The following TTLL7 variants were observed in gnomAD, a reference collection of about 807,000 sequenced individuals.
TTLL7 encodes the protein tubulin polyglutamylase TTLL7.
TTLL7 carries 53 observed loss-of-function variants against 120.2 expected under a neutral mutation model. That is an observed-to-expected ratio of 0.44 (90% CI 0.35 to 0.55). The LOEUF is 0.55. Among genes scored for constraint, TTLL7 ranks in the 20% least tolerant of loss-of-function variants. TTLL7 has a pLI of 0.00. For missense variants in TTLL7, 803 were observed against 1,054.7 expected (o/e 0.76, Z 3.31); for synonymous variants, 353 against 351.7 (o/e 1.00, Z -0.04).
intron 1 of TTLL7, among the ~76,000 whole-genome samples, chr1:83,982,499 C>T (rs940847008): frequency 1.3e-5 from 2 of 152,112 alleles, no homozygotes; most frequent in Non-Finnish European, 2.9e-5. Context: ...CTTTTCTATA[C>T]ACCAATATTG....
chr1:83,917,706 T>G lies in TTLL7; in HGVS notation c.1501-16A>C. The G allele has an allele frequency of 6.4e-7, 1 of 1,560,254 alleles. No individual in the cohort carries two copies. The highest frequency in any genetic ancestry group is 2.3e-5 in the East Asian group (1 of 44,352). Reference sequence around the variant, plus strand: ...TATCTTCTTCCTTCAAAAAATATTCTAATTAAAATTACAACCACTAATGGA... The same window carrying G: ...TATCTTCTTCCTTCAAAAAATATTCGAATTAAAATTACAACCACTAATGGA... On this transcript the variant is annotated splice_polypyrimidine_tract_variant and intron_variant, in intron 13 of 20. Transcript: ENST00000260505.
At chr1:83,979,829 G>A (rs1485835243) in intron 1 of TTLL7, 1 of 152,120 alleles carries the variant, frequency 6.6e-6, no homozygotes, top group Non-Finnish European at 1.5e-5. Context: ...GGCTTTTGAT[G>A]GTGCGAAAAA....
chr1:83,911,214 A>T lies in TTLL7; in HGVS notation c.1737T>A (p.Val579=), dbSNP rs1255838481. 1 of 1,613,286 alleles carries T rather than the reference A, an allele frequency of 6.2e-7. No homozygotes were observed. ...GGTTGGAGGGTTTAAGATTATATGTAACTTGCTTTTCTCTTTTCTTATTTT... is the reference window on the plus strand; with the variant it reads ...GGTTGGAGGGTTTAAGATTATATGTTACTTGCTTTTCTCTTTTCTTATTTT... ...EYQNKKREKQ[V]TYNLKPSNHY... is the part of the protein sequence containing the mutation. The change falls in exon 15 of 21, where the codon GTT becomes GTA. Residue 579 remains valine (V), a synonymous_variant. Transcript: ENST00000260505.
At chr1:83,892,230 A>ATATATATGAATATATATG (rs1472867289) in intron 18 of TTLL7, among the ~76,000 whole-genome samples, 2 of 141,458 alleles carry the variant, frequency 1.4e-5, no homozygotes, top group East Asian at 2.0e-4. Context: ...ATATATGTGT[A>ATATATATGAATATATATG]TATATATGAA....
intron 7 of TTLL7, among the ~76,000 whole-genome samples, chr1:83,941,336 T>C (rs1201192735): frequency 6.6e-6 from 1 of 152,230 alleles, no homozygotes; most frequent in Non-Finnish European, 1.5e-5. Flanking sequence ...GTCTGGTCAT[T>C]GTTTTTCCAA....
intron 18 of TTLL7, among the ~76,000 whole-genome samples, chr1:83,898,899 T>A (rs181580555): frequency 0.027 from 4,170 of 151,934 alleles, 89 homozygotes; most frequent in African/African-American, 0.056. Flanking sequence ...AAATTTTTTT[T>A]AAAAAATCCC....
chr1:83,961,575 T>C (rs1458728886), intron 1 of TTLL7, among the ~76,000 whole-genome samples: 2 of 151,918 alleles, frequency 1.3e-5, no homozygotes, highest in African/African-American at 2.4e-5. Flanking sequence ...CCGAGGATAA[T>C]GAAAAAGGAG....
intron 13 of TTLL7, among the ~76,000 whole-genome samples, chr1:83,919,352 A>G (rs1482238257): frequency 6.6e-6 from 1 of 151,682 alleles, no homozygotes. Context: ...GTATTATGTA[A>G]TGTTTGTTAT....
chr1:83,891,481 T>TGA (rs1299331385), intron 18 of TTLL7, among the ~76,000 whole-genome samples: 1 of 152,126 alleles, frequency 6.6e-6, no homozygotes, highest in Non-Finnish European at 1.5e-5. Context: ...TACAGATCGG[T>TGA]GCACAAACGG....
At chr1:83,932,539 TA>T (rs1659681778) in intron 9 of TTLL7, among the ~76,000 whole-genome samples, 1 of 151,098 alleles carries the variant, frequency 6.6e-6, no homozygotes, top group South Asian at 2.1e-4. Context: ...TGTTACTGTT[TA>T]AAGTAGATGT....
intron 14 of TTLL7, among the ~76,000 whole-genome samples, chr1:83,914,619 C>T (rs1288012932): frequency 6.6e-6 from 1 of 152,166 alleles, no homozygotes; most frequent in Middle Eastern, 3.4e-3. Flanking sequence ...CGTGAGCCAC[C>T]GTGCTCTGCC....
chr1:83,893,590 TGAAA>T (rs1306271719), intron 18 of TTLL7, among the ~76,000 whole-genome samples: 1 of 152,116 alleles, frequency 6.6e-6, no homozygotes, highest in East Asian at 1.9e-4. Flanking sequence ...TGGAAGCAGA[TGAAA>T]GAATGATTTC....
intron 1 of TTLL7, among the ~76,000 whole-genome samples, chr1:83,987,786 C>T (rs1051968117): frequency 1.3e-5 from 2 of 152,094 alleles, no homozygotes; most frequent in African/African-American, 4.8e-5. Context: ...GTTTGCAAAA[C>T]ATATTATCTG....
At chr1:83,974,200 G>A (rs1382494076) in intron 1 of TTLL7, among the ~76,000 whole-genome samples, 7 of 151,860 alleles carry the variant, frequency 4.6e-5, no homozygotes, top group East Asian at 1.9e-4. Flanking sequence ...TCATGGGCAC[G>A]GGAAAAATGT....
rs374756636 is a variant in TTLL7 at position 83,871,671 on chromosome 1, G to A, written c.2544-1589C>T. 6.6e-5 allele frequency among the ~76,000 whole-genome samples: 10 copies of A among 151,928 alleles called. No homozygotes were observed. In the East Asian group the frequency reaches 7.8e-4, roughly 12 times the overall value. On this transcript the variant is annotated intron_variant, in intron 20 of 20. Transcript: ENST00000260505. ...AGCACTTTGGGAGGCCGAGACGGGC[G>A]GATCACGAGGTCAGGAGATCGAGAC...
In TTLL7 at chr1:83,930,908, A is replaced by G. The variant is rs375011072; in HGVS notation, c.1048-1678T>C. ...CCTCTACTATAAGATAAATTGGTCT[A>G]TGAAGAGGTATACCCACACAAGATA... is the stretch of plus-strand genomic sequence containing the variant. On this transcript the variant is annotated intron_variant, in intron 9 of 20. Coordinates refer to ENST00000260505, the MANE Select transcript of TTLL7 (RefSeq NM_024686.6). 4.3e-4 allele frequency among the ~76,000 whole-genome samples: 65 copies of G among 152,126 alleles called. 1 individual carries two copies. The South Asian group carries it at 0.013, about 30-fold the overall frequency.
intron 1 of TTLL7, among the ~76,000 whole-genome samples, chr1:83,960,373 A>C (rs911677953): frequency 6.6e-6 from 1 of 152,178 alleles, no homozygotes; most frequent in Admixed American, 6.5e-5. Context: ...AGAAGATAAG[A>C]GCTTGATTAC....
intron 1 of TTLL7, among the ~76,000 whole-genome samples, chr1:83,982,465 G>A (rs1317664869): frequency 6.6e-6 from 1 of 151,842 alleles, no homozygotes; most frequent in African/African-American, 2.4e-5. Flanking sequence ...GAAAATAAAT[G>A]AAACAAAAAA....
In TTLL7 at chr1:83,951,963, G is replaced by C. The variant is rs759072807; in HGVS notation, c.39C>G (p.Pro13=). Residue 13 remains proline (P), a synonymous_variant, in exon 3 of 21, where the codon CCC becomes CCG. Coordinates refer to ENST00000260505, the MANE Select transcript of TTLL7 (RefSeq NM_024686.6). The part of the protein sequence containing the change: ...SLPQEGVIQG[P]SPLDLNTELP... ...ATTCTGTATTCAAATCCAGGGGAGA[G>C]GGTCCCTGAATAACTTTAAAAAAAT... 1 of 1,606,492 alleles carries C rather than the reference G, an allele frequency of 6.2e-7. No homozygotes were observed. The highest frequency in any genetic ancestry group is 2.2e-5 in the East Asian group (1 of 44,756).
Sources: gnomAD v4.1 joint callset for allele counts (sites outside exome capture counted in the v4.1 genomes callset) on GRCh38, gnomAD v4.1.1 for gene constraint, MANE v1.5 for transcripts, NCBI Gene and HGNC (gene_info 2026-07-23, HGNC 2026-07-21) for gene names.